The following CDH19 variants were observed in gnomAD, a reference collection of about 807,000 sequenced individuals.
The protein encoded by CDH19 is cadherin 19.
A neutral mutation model predicts 64.2 loss-of-function variants in CDH19; 67 were observed. That is an observed-to-expected ratio of 1.04 (90% CI 0.86 to 1.28). The LOEUF is 1.28. CDH19 is among the 50% of genes most tolerant of loss of function. The pLI, the probability that CDH19 is intolerant of heterozygous loss-of-function variation, is 0.00. For missense variants in CDH19, 1,030 were observed against 929.0 expected (o/e 1.11, Z -1.41); for synonymous variants, 346 against 319.3 (o/e 1.08, Z -0.89).
intron 3 of CDH19, among the ~76,000 whole-genome samples, chr18:66,567,066 T>C (rs1357639448): frequency 6.6e-6 from 1 of 151,880 alleles, no homozygotes; most frequent in Admixed American, 6.6e-5. Flanking sequence ...CACCCATACA[T>C]AACACTTTTA....
chr18:66,537,801 G>A (rs1224823500), intron 7 of CDH19, among the ~76,000 whole-genome samples: 1 of 151,912 alleles, frequency 6.6e-6, no homozygotes, highest in African/African-American at 2.4e-5. Flanking sequence ...ATTGCTTCTT[G>A]AGTTTCATTG....
chr18:66,571,774 G>A (rs907453515), intron 2 of CDH19, among the ~76,000 whole-genome samples: 1 of 151,572 alleles, frequency 6.6e-6, no homozygotes, highest in Non-Finnish European at 1.5e-5. Context: ...GAAAATGAGG[G>A]CTGCATTTTC....
chr18:66,601,487 T>G (rs950330474), intron 1 of CDH19, among the ~76,000 whole-genome samples: 1 of 151,968 alleles, frequency 6.6e-6, no homozygotes, highest in African/African-American at 2.4e-5. Flanking sequence ...GATCTACTGC[T>G]CTGGTATGTT....
At chr18:66,570,846 C>T (rs190020236) in intron 2 of CDH19, among the ~76,000 whole-genome samples, 1 of 151,576 alleles carries the variant, frequency 6.6e-6, no homozygotes, top group African/African-American at 2.4e-5. Flanking sequence ...TCCAATTACA[C>T]TGATGCACTT....
chr18:66,509,942 T>C (rs547355184), intron 10 of CDH19, among the ~76,000 whole-genome samples: 35 of 151,992 alleles, frequency 2.3e-4, no homozygotes, highest in Admixed American at 4.6e-4. Flanking sequence ...ACTGATTCAT[T>C]TACCTAGAGA....
intron 9 of CDH19, among the ~76,000 whole-genome samples, chr18:66,521,155 T>A (rs890104442): frequency 1.3e-5 from 2 of 152,116 alleles, no homozygotes; most frequent in Non-Finnish European, 2.9e-5. Context: ...CCTATTAATA[T>A]TAGTAATAAA....
chr18:66,563,587 T>A (rs1402789667), intron 3 of CDH19, among the ~76,000 whole-genome samples: 1 of 152,006 alleles, frequency 6.6e-6, no homozygotes, highest in African/African-American at 2.4e-5. Context: ...ATCAAATACA[T>A]GACATAAGAG....
rs1191650682 is a variant in CDH19, at chr18:66,544,877, A to G, written c.802T>C (p.Ser268Pro). 2 of 1,610,118 alleles carry G rather than the reference A, an allele frequency of 1.2e-6. No individual in the cohort carries two copies. Among genetic ancestry groups the G allele is most frequent in the Non-Finnish European group, 1.7e-6 (2 of 1,178,488 alleles). The change falls in exon 6 of 12, where the codon TCT becomes CCT. Residue 268 changes from serine to proline, a missense_variant. By Grantham distance (74) the Ser-to-Pro change is moderately conservative (BLOSUM62 -1). Coordinates refer to ENST00000262150, the MANE Select transcript of CDH19 (RefSeq NM_021153.4). The stretch of plus-strand genomic sequence containing the variant: ...CCTATAGAAGTCCCAGTGGGTGCAG[A>G]TTCAGAGACAGTCAAGCGGTATAAA... ...ESLYRLTVSESAPTGTSIGTI... is the reference protein window; with the variant it reads ...ESLYRLTVSEPAPTGTSIGTI...
chr18:66,533,818 C>G (rs989815981), intron 8 of CDH19, among the ~76,000 whole-genome samples: 1 of 151,976 alleles, frequency 6.6e-6, no homozygotes, highest in African/African-American at 2.4e-5. Context: ...GCAAATGCAG[C>G]TAGATGATTT....
Position 66,513,252 on chromosome 18 carries a change from A to G in CDH19, c.1459-1567T>C, listed in dbSNP as rs187526971. Among the ~76,000 whole-genome samples the G allele has an allele frequency of 5.3e-5, 8 of 151,612 alleles. No individual in the cohort carries two copies. The East Asian group carries it at 7.7e-4, about 15-fold the overall frequency. ...CCTTTGGGAATGAAGACTTAAGAAG[A>G]CTGGAGATATGCTGTATGTATGTCA... On this transcript the variant is annotated intron_variant, in intron 9 of 11. Transcript: ENST00000262150.
intron 1 of CDH19, among the ~76,000 whole-genome samples, chr18:66,603,518 A>G (rs912050608): frequency 1.3e-5 from 2 of 151,616 alleles, no homozygotes; most frequent in African/African-American, 4.8e-5. Context: ...ATTTTTTCTC[A>G]TATACTTAAT....
intron 3 of CDH19, among the ~76,000 whole-genome samples, chr18:66,565,513 T>C (rs969476063): frequency 6.6e-6 from 1 of 151,872 alleles, no homozygotes; most frequent in African/African-American, 2.4e-5. Flanking sequence ...AGTAGCTGGC[T>C]AGGAAATTTG....
chr18:66,514,791 T>C (rs964856923), intron 9 of CDH19, among the ~76,000 whole-genome samples: 1 of 151,528 alleles, frequency 6.6e-6, no homozygotes, highest in African/African-American at 2.4e-5. Flanking sequence ...CCAGATTAAT[T>C]ATCCTGAGCC....
At chr18:66,568,240 A>G (rs1211577070) in intron 3 of CDH19, among the ~76,000 whole-genome samples, 176 bp downstream of exon 3, 1 of 151,774 alleles carries the variant, frequency 6.6e-6, no homozygotes, top group Non-Finnish European at 1.5e-5. Flanking sequence ...AATATGTAGT[A>G]CCCTTTTCTC....
chr18:66,515,005 G>A (rs1985671274), intron 9 of CDH19, among the ~76,000 whole-genome samples: 1 of 151,456 alleles, frequency 6.6e-6, no homozygotes, highest in African/African-American at 2.4e-5. Context: ...TTGTTGAATA[G>A]GATTATAAAC....
chr18:66,564,032 T>A (rs1987816748), intron 3 of CDH19, among the ~76,000 whole-genome samples: 2 of 151,858 alleles, frequency 1.3e-5, no homozygotes, highest in South Asian at 4.1e-4. Flanking sequence ...AGGCAAGAGA[T>A]TTATAGAATC....
chr18:66,530,794 G>A (rs1413139060), intron 8 of CDH19, among the ~76,000 whole-genome samples: 1 of 152,086 alleles, frequency 6.6e-6, no homozygotes, highest in African/African-American at 2.4e-5. Context: ...ATTCTCCTGT[G>A]CATTGTAGGA....
At chr18:66,516,550 G>A (rs1379635657) in intron 9 of CDH19, among the ~76,000 whole-genome samples, 1 of 151,906 alleles carries the variant, frequency 6.6e-6, no homozygotes, top group Non-Finnish European at 1.5e-5. Context: ...TGTCACCAAA[G>A]TAATGTTTTT....
intron 1 of CDH19, among the ~76,000 whole-genome samples, chr18:66,582,289 A>G (rs1025177759): frequency 6.6e-6 from 1 of 152,064 alleles, no homozygotes; most frequent in Non-Finnish European, 1.5e-5. Flanking sequence ...GGGGGAAGAC[A>G]TAAGTTGAAG....
Sources: allele counts gnomAD v4.1 joint callset (sites outside exome capture counted in the v4.1 genomes callset), GRCh38; gene constraint gnomAD v4.1.1; transcripts MANE v1.5; gene names NCBI Gene and HGNC (gene_info 2026-07-23, HGNC 2026-07-21).